The following C8orf34 variants were observed in gnomAD, a reference collection of about 807,000 sequenced individuals.
The protein encoded by C8orf34 is uncharacterized protein C8orf34.
In C8orf34, 65 loss-of-function variants were observed where a neutral mutation model predicts 68.3. The ratio of observed to expected loss-of-function variants is 0.95; its 90% CI spans 0.78 to 1.17. The LOEUF (loss-of-function observed/expected upper bound fraction) is 1.17, where lower values mean the gene tolerates loss of function less well. C8orf34 is among the 50% of genes most tolerant of loss of function. The pLI is 0.00. For synonymous variants in C8orf34, 244 were observed against 241.2 expected (o/e 1.01, Z -0.11); for missense variants, 664 against 655.4 (o/e 1.01, Z -0.14).
At chr8:68,787,219 G>C (rs548044072) in intron 11 of C8orf34, among the ~76,000 whole-genome samples, 1 of 152,168 alleles carries the variant, frequency 6.6e-6, no homozygotes, top group East Asian at 1.9e-4. Flanking sequence ...GGTGTTTCTT[G>C]ACTCTAAATG....
At chr8:68,571,257 C>T (rs1376377197) in intron 7 of C8orf34, among the ~76,000 whole-genome samples, 1 of 152,152 alleles carries the variant, frequency 6.6e-6, no homozygotes, top group African/African-American at 2.4e-5. Flanking sequence ...GTGTCAAATT[C>T]ATTTGCTGGC....
intron 10 of C8orf34, among the ~76,000 whole-genome samples, chr8:68,722,656 T>C (rs1821708649): frequency 6.6e-6 from 1 of 152,082 alleles, no homozygotes; most frequent in African/African-American, 2.4e-5. Context: ...TACAATTTAC[T>C]TATTTGTTTT....
chr8:68,457,271 A>T (rs1413314918), intron 3 of C8orf34, among the ~76,000 whole-genome samples: 1 of 152,220 alleles, frequency 6.6e-6, no homozygotes, highest in African/African-American at 2.4e-5. Context: ...TAAATATAAA[A>T]AAATGAAGAC....
intron 7 of C8orf34, among the ~76,000 whole-genome samples, chr8:68,586,614 G>T (rs1320729092): frequency 2.0e-5 from 3 of 152,070 alleles, no homozygotes; most frequent in African/African-American, 7.2e-5. Context: ...AACCCTTCAG[G>T]CACCTCACAT....
At chr8:68,734,966 C>T (rs145271960) in intron 10 of C8orf34, among the ~76,000 whole-genome samples, 1 of 152,320 alleles carries the variant, frequency 6.6e-6, no homozygotes, top group Non-Finnish European at 1.5e-5. Context: ...CTGCTATAAT[C>T]ACATGAAATA....
intron 3 of C8orf34, among the ~76,000 whole-genome samples, chr8:68,461,659 T>C (rs1811834418): frequency 6.6e-6 from 1 of 152,118 alleles, no homozygotes; most frequent in African/African-American, 2.4e-5. Flanking sequence ...AGAAAAGAAT[T>C]TTCAACCCAG....
At chr8:68,653,500 T>G (rs1010372220) in intron 8 of C8orf34, among the ~76,000 whole-genome samples, 1 of 152,172 alleles carries the variant, frequency 6.6e-6, no homozygotes, top group Non-Finnish European at 1.5e-5. Flanking sequence ...ATAAAAAAAG[T>G]ACTATAGACT....
intron 12 of C8orf34, among the ~76,000 whole-genome samples, chr8:68,803,263 G>A (rs904306421): frequency 4.0e-5 from 6 of 150,792 alleles, no homozygotes; most frequent in Admixed American, 3.3e-4. Context: ...TAAACAAATT[G>A]GTACTAAACC....
chr8:68,744,770 A>C (rs1471454242), intron 10 of C8orf34, among the ~76,000 whole-genome samples: 1 of 152,230 alleles, frequency 6.6e-6, no homozygotes, highest in Non-Finnish European at 1.5e-5. Flanking sequence ...GGTGTACCTG[A>C]AAGTGACGGG....
At chr8:68,728,655 G>A (rs1287515830) in intron 10 of C8orf34, among the ~76,000 whole-genome samples, 2 of 152,210 alleles carry the variant, frequency 1.3e-5, no homozygotes, top group Non-Finnish European at 2.9e-5. Context: ...CAGATCTCAT[G>A]AGACTTATTC....
chr8:68,485,149 T>C (rs769680638), intron 4 of C8orf34, among the ~76,000 whole-genome samples: 20 of 152,288 alleles, frequency 1.3e-4, no homozygotes, highest in Middle Eastern at 3.4e-3. Context: ...AAACAGCTCA[T>C]ATGTTTGCTA....
At chr8:68,373,664 A>G (rs758263497) in intron 1 of C8orf34, among the ~76,000 whole-genome samples, 9 of 152,182 alleles carry the variant, frequency 5.9e-5, no homozygotes, top group Non-Finnish European at 1.0e-4. Flanking sequence ...AAGTTACTAT[A>G]TATTTATTTA....
intron 7 of C8orf34, among the ~76,000 whole-genome samples, chr8:68,617,850 A>G (rs147260862): frequency 0.033 from 4,950 of 152,260 alleles, 103 homozygotes; most frequent in Middle Eastern, 0.088. Context: ...AGATTGGGGA[A>G]GTTCTCCTGG....
At chr8:68,734,386 T>C (rs1822067096) in intron 10 of C8orf34, among the ~76,000 whole-genome samples, 1 of 152,138 alleles carries the variant, frequency 6.6e-6, no homozygotes, top group African/African-American at 2.4e-5. Flanking sequence ...CACCTGTATG[T>C]TCCTGTGGCC....
chr8:68,380,514 C>T (rs189689644), intron 1 of C8orf34, among the ~76,000 whole-genome samples: 58 of 152,316 alleles, frequency 3.8e-4, no homozygotes, highest in African/African-American at 1.3e-3. Context: ...CAATGTAATA[C>T]ACTTTTATCA....
chr8:68,429,307 A>G (rs1251610218), intron 1 of C8orf34, among the ~76,000 whole-genome samples: 1 of 152,196 alleles, frequency 6.6e-6, no homozygotes, highest in Non-Finnish European at 1.5e-5. Context: ...AAAAGTTGCT[A>G]AATTCCATTG....
chr8:68,802,044 CATTAT>C (rs1824342350), intron 12 of C8orf34, among the ~76,000 whole-genome samples: 1 of 152,064 alleles, frequency 6.6e-6, no homozygotes, highest in African/African-American at 2.4e-5. Flanking sequence ...GTGGCTTTAG[CATTAT>C]ATTATAAATA....
At chr8:68,373,520 C>T (rs1807655368) in intron 1 of C8orf34, among the ~76,000 whole-genome samples, 1 of 152,184 alleles carries the variant, frequency 6.6e-6, no homozygotes, top group African/African-American at 2.4e-5. Flanking sequence ...TGTAGAGCCT[C>T]ATATTTAATG....
At chr8:68,660,046 G>A (rs1819625294) in intron 8 of C8orf34, among the ~76,000 whole-genome samples, 1 of 152,170 alleles carries the variant, frequency 6.6e-6, no homozygotes, top group Non-Finnish European at 1.5e-5. Context: ...AAGCCATGCA[G>A]TTTAAGTTTT....
Sources: gnomAD v4.1 joint callset for allele counts (sites outside exome capture counted in the v4.1 genomes callset) on GRCh38, gnomAD v4.1.1 for gene constraint, MANE v1.5 for transcripts, NCBI Gene and HGNC (gene_info 2026-07-23, HGNC 2026-07-21) for gene names.